The following ZNF790 variants were observed in gnomAD, a reference collection of about 807,000 sequenced individuals.
ZNF790 encodes zinc finger protein 790.
A neutral mutation model predicts 12.1 loss-of-function variants in ZNF790; 8 were observed. The observed-to-expected ratio is 0.66, with a 90% CI of 0.39 to 1.19. The LOEUF (loss-of-function observed/expected upper bound fraction) is 1.19. Ranked by LOEUF, ZNF790 falls within the 50% of genes most tolerant of loss-of-function variation. The pLI is 0.01. For missense variants in ZNF790, 707 were observed against 752.2 expected, an observed-to-expected ratio of 0.94 and a Z score of 0.70; for synonymous variants, 252 against 244.3, an observed-to-expected ratio of 1.03 and a Z score of -0.29.
At chr19:36,822,418 A>G (rs1004274053) in intron 4 of ZNF790, among the ~76,000 whole-genome samples, 41 of 152,262 alleles carry the variant, frequency 2.7e-4, no homozygotes, top group African/African-American at 9.9e-4. Context: ...TACATGAGTG[A>G]AAAATGAGAG....
At chr19:36,821,366 C>G (rs2146017947) in intron 4 of ZNF790, among the ~76,000 whole-genome samples, 1 of 152,144 alleles carries the variant, frequency 6.6e-6, no homozygotes, top group Non-Finnish European at 1.5e-5. Context: ...TGGAAAATTA[C>G]TGAGCTTGAC....
At chr19:36,827,139 CACAT>C (rs1157348352) in intron 1 of ZNF790, among the ~76,000 whole-genome samples, 20 of 70,212 alleles carry the variant, frequency 2.8e-4, no homozygotes, top group African/African-American at 1.0e-3. Flanking sequence ...CACACACACA[CACAT>C]ATATATATAT....
chr19:36,825,556 C>A, intron 2 of ZNF790, 55 bp downstream of exon 2: 2 of 1,562,384 alleles, frequency 1.3e-6, no homozygotes, highest in Admixed American at 3.3e-5. Flanking sequence ...TAAAAATATT[C>A]ACATGATTTG....
In ZNF790 at chr19:36,824,013, T is replaced by TTTTTTTG. The variant is rs953562825; in HGVS notation, c.10-224_10-223insCAAAAAA. Among the ~76,000 whole-genome samples, 552 of 146,516 alleles carry TTTTTTTG rather than the reference T, an allele frequency of 3.8e-3. 11 individuals carry two copies. The highest frequency in any genetic ancestry group is 0.013 in the African/African-American group (524 of 38,846). On this transcript the variant is annotated intron_variant, in intron 2 of 4. Transcript: ENST00000356725. ...TGCTCTTTTTTTTTTTTTTTTTTTT[T>TTTTTTTG]GAGACAAGAGTCTCGCTCTGTCGCC...
chr19:36,820,906 T>TA, intron 4 of ZNF790, among the ~76,000 whole-genome samples: 1 of 150,858 alleles, frequency 6.6e-6, no homozygotes, highest in South Asian at 2.1e-4. Context: ...TTTTTTTTTT[T>TA]TTTTTTAATA....
chr19:36,839,121 C>G (rs2072105633), upstream of ZNF790, among the ~76,000 whole-genome samples: 1 of 152,218 alleles, frequency 6.6e-6, no homozygotes, highest in South Asian at 2.1e-4. Flanking sequence ...AAATTCCATT[C>G]ATGCCATTCT....
chr19:36,835,333 C>G, intron 1 of ZNF790, among the ~76,000 whole-genome samples: 1 of 152,080 alleles, frequency 6.6e-6, no homozygotes, highest in East Asian at 1.9e-4. Flanking sequence ...CTCTCTCAAT[C>G]CAAGACAAAT....
Position 36,823,386 on chromosome 19 carries a change from CAGA to C in ZNF790, c.134-9_134-7del. The C allele has an allele frequency of 6.2e-7, 1 of 1,612,896 alleles. No homozygotes were observed. The highest frequency in any genetic ancestry group is 8.5e-7 in the Non-Finnish European group (1 of 1,179,440). On this transcript the variant is annotated splice_region_variant and splice_polypyrimidine_tract_variant and intron_variant, in intron 3 of 4. Coordinates refer to ENST00000356725, the MANE Select transcript of ZNF790 (RefSeq NM_206894.4). ...TGGCTGATAAATGCAAAAACCTGCC[CAGA>C]AGATGAGAAACAGCAAAGAACCACA... is the stretch of plus-strand genomic sequence containing the variant.
rs1359374590 is a variant in ZNF790, at chr19:36,818,902, T to A, written c.1442A>T (p.Lys481Met). Reference protein sequence around the residue: ...IHTGERNYECKECGKTFFRGS... With the variant: ...IHTGERNYECMECGKTFFRGS... ...ACGAAAAAAGGTCTTTCCACATTCC[T>A]TACATTCATAGTTTCTCTCACCAGT... The change falls in exon 5 of 5, where the codon AAG becomes ATG. Residue 481 changes from lysine to methionine, a missense_variant. Physicochemically the swap from Lys to Met is moderately conservative, Grantham distance 95. Transcript: ENST00000356725. The A allele has an allele frequency of 6.2e-7, 1 of 1,610,872 alleles. No homozygotes were observed. The highest frequency in any genetic ancestry group is 1.3e-5 in the African/African-American group (1 of 74,868).
intron 1 of ZNF790, among the ~76,000 whole-genome samples, chr19:36,831,617 A>T (rs1375239932): frequency 6.6e-6 from 1 of 152,230 alleles, no homozygotes; most frequent in Non-Finnish European, 1.5e-5. Flanking sequence ...AGAATACAGA[A>T]ATTAATGAAC....
At chr19:36,830,872 G>A (rs2071932214) in intron 1 of ZNF790, among the ~76,000 whole-genome samples, 1 of 152,196 alleles carries the variant, frequency 6.6e-6, no homozygotes, top group East Asian at 1.9e-4. Context: ...TGGTGCAGTG[G>A]CTCACGCCTG....
In ZNF790 at chr19:36,823,590, C is replaced by A. The variant is rs772332384; in HGVS notation, c.133+77G>T. 7.7e-6 allele frequency: 12 copies of A among 1,555,944 alleles called. No homozygotes were observed. The South Asian group carries it at 1.3e-4, about 17-fold the overall frequency. On this transcript the variant is annotated intron_variant, in intron 3 of 4. Transcript: ENST00000356725. Reference sequence around the variant, plus strand: ...TCTAAAAAACAAAGGTCAGAAGTTACCCTGGACATTTAAAAGACAATAAAA... The same window carrying A: ...TCTAAAAAACAAAGGTCAGAAGTTAACCTGGACATTTAAAAGACAATAAAA...
At chr19:36,828,640 G>A (rs1054315409) in intron 1 of ZNF790, among the ~76,000 whole-genome samples, 1 of 152,082 alleles carries the variant, frequency 6.6e-6, no homozygotes, top group Non-Finnish European at 1.5e-5. Flanking sequence ...ACTGTGCCTG[G>A]CTAATTTATT....
At chr19:36,828,816 A>G (rs1447341931) in intron 1 of ZNF790, among the ~76,000 whole-genome samples, 1 of 152,224 alleles carries the variant, frequency 6.6e-6, no homozygotes, top group Non-Finnish European at 1.5e-5. Context: ...TCCTCCTGGA[A>G]ACCATGTAGA....
intron 1 of ZNF790, among the ~76,000 whole-genome samples, chr19:36,830,381 A>ATAAATCCC (rs1300371868): frequency 2.0e-5 from 3 of 152,180 alleles, no homozygotes; most frequent in African/African-American, 7.2e-5. Context: ...CATTTCTGGG[A>ATAAATCCC]TAAATCCCAC....
intron 1 of ZNF790, among the ~76,000 whole-genome samples, chr19:36,847,229 C>A (rs574716100): frequency 4.6e-5 from 7 of 151,952 alleles, no homozygotes; most frequent in Admixed American, 2.0e-4. Context: ...TGGCGCACAT[C>A]TGTAATCCCA....
At chr19:36,836,462 A>C (rs75974511) in intron 1 of ZNF790, among the ~76,000 whole-genome samples, 3 of 147,922 alleles carry the variant, frequency 2.0e-5, no homozygotes, top group East Asian at 1.9e-4. Flanking sequence ...TAAAAAAAAA[A>C]CACACACACA....
intron 4 of ZNF790, 23 bp downstream of exon 4, chr19:36,823,262 G>A: frequency 6.3e-7 from 1 of 1,597,622 alleles, no homozygotes. Flanking sequence ...TGGCCTCCTT[G>A]TGCGTGTTCA....
In ZNF790 at chr19:36,818,142, T is replaced by C. The variant is rs1305720372; in HGVS notation, c.*291A>G. 1 of 200,106 alleles carries C rather than the reference T, an allele frequency of 5.0e-6. No homozygotes were observed. The highest frequency in any genetic ancestry group is 2.3e-5 in the African/African-American group (1 of 43,120). 12.4% of individuals were successfully genotyped at this position (200,106 alleles called of 1,614,324 possible). ...TTGGCCAAATTATATATAAATTCTT[T>C]ATGCAACATCTCTGATGAGAATGTT... On this transcript the variant is annotated 3_prime_UTR_variant, in exon 5 of 5. Coordinates refer to ENST00000356725, the MANE Select transcript of ZNF790 (RefSeq NM_206894.4).
Sources: allele counts gnomAD v4.1 joint callset (sites outside exome capture counted in the v4.1 genomes callset), GRCh38; gene constraint gnomAD v4.1.1; transcripts MANE v1.5; gene names NCBI Gene and HGNC (gene_info 2026-07-23, HGNC 2026-07-21).